GLIS3: variants seen among roughly 807,000 people sequenced by gnomAD.
The protein encoded by GLIS3 is zinc finger protein GLIS3.
In GLIS3, 53 loss-of-function variants were observed where a neutral mutation model predicts 78.6. The observed-to-expected ratio is 0.67, with a 90% confidence interval of 0.54 to 0.85. The LOEUF (loss-of-function observed/expected upper bound fraction) is 0.85, where lower values mean the gene tolerates loss of function less well. GLIS3 is among the 40% of genes least tolerant of loss of function. GLIS3 has a pLI of 0.00. For missense variants in GLIS3, 1,703 were observed against 1,231.1 expected (o/e 1.38, Z -5.74); for synonymous variants, 684 against 509.9 (o/e 1.34, Z -4.60).
At chr9:4,449,538 G>C in the GLIS3 span, among the ~76,000 whole-genome samples, 1 of 152,200 alleles carries the variant, frequency 6.6e-6, no homozygotes, top group South Asian at 2.1e-4. Context: ...CCTGACCCCC[G>C]TGTAGCCTAA....
intron 2 of GLIS3, among the ~76,000 whole-genome samples, chr9:4,185,982 TTTC>T (rs553653841): frequency 6.6e-6 from 1 of 151,816 alleles, no homozygotes; most frequent in Middle Eastern, 3.2e-3. Context: ...TTGGCAGAGT[TTTC>T]TTCTTTTTTT....
chr9:4,386,549 G>C, the GLIS3 span: 1 of 152,080 alleles, frequency 6.6e-6, no homozygotes, highest in East Asian at 1.9e-4. Flanking sequence ...CAAAGAATTG[G>C]ACAACACACA....
the GLIS3 span, among the ~76,000 whole-genome samples, chr9:4,408,612 A>G: frequency 6.8e-6 from 1 of 147,364 alleles, no homozygotes; most frequent in Non-Finnish European, 1.5e-5. Context: ...CTGTAGTCCC[A>G]GGTACTCGGG....
chr9:4,234,729 T>A (rs956453138), intron 2 of GLIS3, among the ~76,000 whole-genome samples: 3 of 152,212 alleles, frequency 2.0e-5, no homozygotes, highest in South Asian at 2.1e-4. Flanking sequence ...AAACACAGTA[T>A]CTGCAAAGTG....
chr9:4,109,158 A>C (rs971009079), intron 4 of GLIS3, among the ~76,000 whole-genome samples: 2 of 151,882 alleles, frequency 1.3e-5, no homozygotes, highest in Non-Finnish European at 2.9e-5. Flanking sequence ...ATGTCAAAGT[A>C]AATCTCAGCA....
intron 2 of GLIS3, among the ~76,000 whole-genome samples, chr9:4,194,797 G>C (rs1341436871): frequency 2.6e-5 from 4 of 152,306 alleles, no homozygotes; most frequent in South Asian, 2.1e-4. Flanking sequence ...AGAGTACTTT[G>C]TTTTTCCCAA....
intron 4 of GLIS3, among the ~76,000 whole-genome samples, chr9:3,957,997 C>G (rs1161168607): frequency 1.3e-5 from 2 of 152,210 alleles, no homozygotes; most frequent in African/African-American, 4.8e-5. Context: ...CAAAATGTCA[C>G]ACTCCTAAAG....
At chr9:4,032,091 C>G (rs1032539712) in intron 4 of GLIS3, among the ~76,000 whole-genome samples, 2 of 152,138 alleles carry the variant, frequency 1.3e-5, no homozygotes, top group Non-Finnish European at 1.5e-5. Context: ...CCCTGCAGAG[C>G]AAGGGACACC....
In GLIS3 at chr9:3,825,826, C is replaced by T. The variant is rs1372743693; in HGVS notation, c.*2446G>A. 2.0e-5 allele frequency: 3 copies of T among 152,224 alleles called. No individual in the cohort carries two copies. The highest frequency in any genetic ancestry group is 7.2e-5 in the African/African-American group (3 of 41,434). 9.4% of individuals were successfully genotyped at this position (152,224 alleles called of 1,614,324 possible). ...ACCCACGGTGCGGGAAGCAGGGCTG[C>T]ACTGGGTCCTGTGGCCAGCATGCTC... On this transcript the variant is annotated 3_prime_UTR_variant, in exon 11 of 11. Coordinates refer to ENST00000381971, the MANE Select transcript of GLIS3 (RefSeq NM_001042413.2).
chr9:4,424,557 T>A, the GLIS3 span, among the ~76,000 whole-genome samples: 1 of 152,082 alleles, frequency 6.6e-6, no homozygotes, highest in South Asian at 2.1e-4. Context: ...TGGATTTGCT[T>A]TTGTTTTTGT....
the GLIS3 span, among the ~76,000 whole-genome samples, chr9:4,353,890 C>G: frequency 6.6e-6 from 1 of 152,084 alleles, no homozygotes; most frequent in South Asian, 2.1e-4. Flanking sequence ...TGCAGTGGCG[C>G]GACCTCGGCT....
chr9:4,205,523 G>A (rs902617474), intron 2 of GLIS3, among the ~76,000 whole-genome samples: 1 of 152,222 alleles, frequency 6.6e-6, no homozygotes, highest in Non-Finnish European at 1.5e-5. Context: ...GATGTCTGGA[G>A]CTGCTTGCAG....
intron 4 of GLIS3, among the ~76,000 whole-genome samples, chr9:4,053,988 G>A (rs1299941242): frequency 6.6e-6 from 1 of 152,122 alleles, no homozygotes; most frequent in Non-Finnish European, 1.5e-5. Context: ...TTACTTCAAG[G>A]TCAAAACAAA....
intron 2 of GLIS3, among the ~76,000 whole-genome samples, chr9:4,127,181 T>C (rs1467013858): frequency 2.0e-5 from 3 of 152,174 alleles, no homozygotes; most frequent in Admixed American, 6.5e-5. Context: ...CCTGGTCTAG[T>C]GCAGACTTAT....
intron 4 of GLIS3, among the ~76,000 whole-genome samples, chr9:4,062,399 C>T: frequency 6.6e-6 from 1 of 152,162 alleles, no homozygotes; most frequent in East Asian, 1.9e-4. Flanking sequence ...ACCCCAGTTG[C>T]TGCTACATAT....
intron 4 of GLIS3, among the ~76,000 whole-genome samples, chr9:4,020,975 C>G (rs776897611): frequency 6.6e-6 from 1 of 152,150 alleles, no homozygotes; most frequent in African/African-American, 2.4e-5. Flanking sequence ...AGAAAGTAGT[C>G]GGTCTTAGGG....
At chr9:4,278,212 C>T (rs1181016205) in intron 2 of GLIS3, among the ~76,000 whole-genome samples, 1 of 152,188 alleles carries the variant, frequency 6.6e-6, no homozygotes, top group Non-Finnish European at 1.5e-5. Flanking sequence ...CTATCTTTCT[C>T]TAATATATTT....
At chr9:4,177,721 C>T (rs368651838) in intron 2 of GLIS3, among the ~76,000 whole-genome samples, 1 of 152,202 alleles carries the variant, frequency 6.6e-6, no homozygotes, top group Admixed American at 6.5e-5. Flanking sequence ...ATCCAAGAGA[C>T]ATAGTAAGAA....
At chr9:3,848,552 C>T (rs1819209243) in intron 9 of GLIS3, among the ~76,000 whole-genome samples, 1 of 152,094 alleles carries the variant, frequency 6.6e-6, no homozygotes, top group Non-Finnish European at 1.5e-5. Context: ...AAATATTTAA[C>T]ACTATAAATT....
Sources: gnomAD v4.1 joint callset for allele counts (sites outside exome capture counted in the v4.1 genomes callset) on GRCh38, gnomAD v4.1.1 for gene constraint, MANE v1.5 for transcripts, NCBI Gene and HGNC (gene_info 2026-07-23, HGNC 2026-07-21) for gene names.